RBFOX1: variants seen among roughly 807,000 people sequenced by gnomAD.
RBFOX1 encodes the protein RNA binding protein fox-1 homolog 1.
Under a neutral mutation model 57.7 loss-of-function variants are expected in RBFOX1, and 8 were observed. The ratio of observed to expected loss-of-function variants is 0.14; its 90% CI spans 0.08 to 0.25. The LOEUF is 0.25. RBFOX1 is among the 10% of genes least tolerant of loss of function. The pLI is 1.00. For missense variants in RBFOX1, 611 were observed against 548.5 expected, an observed-to-expected ratio of 1.11 and a Z score of -1.14; for synonymous variants, 326 against 222.4, an observed-to-expected ratio of 1.47 and a Z score of -4.15.
chr16:7,489,479 A>T (rs1014421139), intron 4 of RBFOX1, among the ~76,000 whole-genome samples: 2 of 151,270 alleles, frequency 1.3e-5, no homozygotes, highest in African/African-American at 4.9e-5. Context: ...TTTGGAGATT[A>T]AAAAACTGAG....
intron 3 of RBFOX1, among the ~76,000 whole-genome samples, chr16:6,777,027 T>C (rs1056309310): frequency 1.3e-5 from 2 of 152,204 alleles, no homozygotes; most frequent in Non-Finnish European, 2.9e-5. Flanking sequence ...CCTTCTGTAA[T>C]TGAAGGCACA....
intron 4 of RBFOX1, among the ~76,000 whole-genome samples, chr16:5,875,890 C>T (rs1012979984): frequency 4.0e-5 from 6 of 150,586 alleles, no homozygotes; most frequent in African/African-American, 1.5e-4. Context: ...GTCTCCCAGG[C>T]TGGAGTGCAG....
intron 1 of RBFOX1, among the ~76,000 whole-genome samples, chr16:6,265,742 C>A (rs1484533217): frequency 2.0e-5 from 3 of 152,160 alleles, no homozygotes; most frequent in African/African-American, 7.2e-5. Flanking sequence ...TCTCAACTGC[C>A]TTCCTTGTAC....
intron 2 of RBFOX1, among the ~76,000 whole-genome samples, chr16:5,528,710 C>T (rs142499762): frequency 3.0e-4 from 46 of 151,522 alleles, no homozygotes; most frequent in African/African-American, 8.5e-4. Flanking sequence ...ACTGCAGTGG[C>T]GCAATCTCGG....
intron 2 of RBFOX1, among the ~76,000 whole-genome samples, chr16:6,604,143 C>A (rs1028832422): frequency 6.6e-6 from 1 of 151,942 alleles, no homozygotes; most frequent in Non-Finnish European, 1.5e-5. Flanking sequence ...GCAGCATCCC[C>A]TCGCCTTGGC....
chr16:5,736,766 T>C (rs2052590876), intron 3 of RBFOX1, among the ~76,000 whole-genome samples: 1 of 151,906 alleles, frequency 6.6e-6, no homozygotes, highest in African/African-American at 2.4e-5. Flanking sequence ...TTGCTCTGCC[T>C]TTCTCTCCAT....
intron 3 of RBFOX1, among the ~76,000 whole-genome samples, chr16:6,784,203 C>G (rs375997707): frequency 2.0e-5 from 3 of 152,008 alleles, no homozygotes; most frequent in South Asian, 2.1e-4. Context: ...AATAAACTTT[C>G]TATCCCAATC....
intron 1 of RBFOX1, among the ~76,000 whole-genome samples, chr16:6,257,493 G>T (rs1251803816): frequency 6.6e-6 from 1 of 151,858 alleles, no homozygotes; most frequent in Non-Finnish European, 1.5e-5. Flanking sequence ...TTGTCCTGGG[G>T]GTTTGTCGTA....
At chr16:7,358,455 C>T (rs763723096) in intron 4 of RBFOX1, among the ~76,000 whole-genome samples, 1 of 151,382 alleles carries the variant, frequency 6.6e-6, no homozygotes, top group Non-Finnish European at 1.5e-5. Flanking sequence ...GAGTTTTGTT[C>T]TGTCGCCCAG....
At chr16:7,263,156 T>C (rs765506775) in intron 4 of RBFOX1, among the ~76,000 whole-genome samples, 1 of 152,224 alleles carries the variant, frequency 6.6e-6, no homozygotes, top group Non-Finnish European at 1.5e-5. Flanking sequence ...CTTTATATTA[T>C]GTGTATTTCT....
At chr16:7,405,160 T>A (rs1178156154) in intron 4 of RBFOX1, among the ~76,000 whole-genome samples, 1 of 152,230 alleles carries the variant, frequency 6.6e-6, no homozygotes, top group Admixed American at 6.5e-5. Flanking sequence ...AGTTGCAATT[T>A]ATTTCCTCAT....
intron 3 of RBFOX1, among the ~76,000 whole-genome samples, chr16:6,912,940 C>T (rs529520591): frequency 1.3e-5 from 2 of 152,118 alleles, no homozygotes; most frequent in South Asian, 4.1e-4. Context: ...TGTTTTTGGT[C>T]CTCAGGGGAT....
At chr16:6,161,262 G>C (rs1284673318) in intron 1 of RBFOX1, among the ~76,000 whole-genome samples, 1 of 151,976 alleles carries the variant, frequency 6.6e-6, no homozygotes, top group Non-Finnish European at 1.5e-5. Context: ...GGTGGTGCAC[G>C]CCTGTAATCC....
At chr16:5,360,266 G>C (rs575394088) in intron 1 of RBFOX1, among the ~76,000 whole-genome samples, 2 of 152,306 alleles carry the variant, frequency 1.3e-5, no homozygotes, top group East Asian at 3.9e-4. Flanking sequence ...GGAGGGCGAG[G>C]GATAATTAGA....
rs115321003 is a variant in RBFOX1, at chr16:7,498,358, G to A, written c.28-19789G>A. On this transcript the variant is annotated intron_variant, in intron 4 of 15. Transcript: ENST00000550418. ...TAATGGTGTACATGGGTCTCACTCA[G>A]CCTCTATGACACCTGAACCAATGAG... is the stretch of plus-strand genomic sequence containing the variant. Among the ~76,000 whole-genome samples, 1,072 of 152,180 alleles carry A rather than the reference G, an allele frequency of 7.0e-3. 10 individuals are homozygous for A. Among genetic ancestry groups the A allele is most frequent in the African/African-American group, 0.024 (1,013 of 41,530 alleles).
At chr16:6,638,914 T>C (rs970330239) in intron 2 of RBFOX1, among the ~76,000 whole-genome samples, 5 of 152,196 alleles carry the variant, frequency 3.3e-5, no homozygotes, top group African/African-American at 1.2e-4. Flanking sequence ...ATTCATTTTC[T>C]ACCAGGAAGC....
chr16:5,347,591 C>G (rs1353668835), intron 1 of RBFOX1, among the ~76,000 whole-genome samples: 1 of 151,808 alleles, frequency 6.6e-6, no homozygotes, highest in African/African-American at 2.4e-5. Flanking sequence ...CGTCTACCCA[C>G]CCATCCACCC....
At chr16:7,012,755 G>C (rs933537620) in intron 3 of RBFOX1, among the ~76,000 whole-genome samples, 2 of 152,216 alleles carry the variant, frequency 1.3e-5, no homozygotes, top group African/African-American at 4.8e-5. Flanking sequence ...GATTAGAGGA[G>C]AAGTAATGTT....
chr16:5,903,707 C>G (rs988870586), intron 4 of RBFOX1, among the ~76,000 whole-genome samples: 2 of 152,128 alleles, frequency 1.3e-5, no homozygotes, highest in Non-Finnish European at 1.5e-5. Context: ...ATATGTGACC[C>G]CATTTCACCA....
Sources: gnomAD v4.1 joint callset for allele counts (sites outside exome capture counted in the v4.1 genomes callset) on GRCh38, gnomAD v4.1.1 for gene constraint, MANE v1.5 for transcripts, NCBI Gene and HGNC (gene_info 2026-07-23, HGNC 2026-07-21) for gene names.